SVIL: variants seen among roughly 807,000 people sequenced by gnomAD.
The protein encoded by SVIL is supervillin.
SVIL carries 101 observed loss-of-function variants against 240.4 expected under a neutral mutation model. The observed-to-expected ratio is 0.42, with a 90% confidence interval of 0.36 to 0.50. SVIL has a LOEUF of 0.50. SVIL is among the 20% of genes least tolerant of loss of function. SVIL has a pLI of 0.01. For synonymous variants in SVIL, 999 were observed against 1,100.0 expected (o/e 0.91, Z 1.82); for missense variants, 2,512 against 2,818.7 (o/e 0.89, Z 2.46).
intron 1 of SVIL, among the ~76,000 whole-genome samples, chr10:29,588,954 C>T (rs574925967): frequency 6.6e-6 from 1 of 151,920 alleles, no homozygotes; most frequent in South Asian, 2.1e-4. Context: ...CTGAAGTCCT[C>T]AAACCCAAAC....
intron 1 of SVIL, among the ~76,000 whole-genome samples, chr10:29,703,007 G>A (rs921843356): frequency 6.6e-6 from 1 of 152,060 alleles, no homozygotes; most frequent in Admixed American, 6.6e-5. Flanking sequence ...AAAAAAGAAT[G>A]CATCTTGGAT....
chr10:29,541,077 AAGAG>A (rs1952117018), intron 6 of SVIL, among the ~76,000 whole-genome samples: 1 of 152,222 alleles, frequency 6.6e-6, no homozygotes. Context: ...CATGAACAAA[AAGAG>A]AGATCACATC....
intron 6 of SVIL, among the ~76,000 whole-genome samples, chr10:29,548,566 G>A (rs965017807): frequency 6.6e-6 from 1 of 152,158 alleles, no homozygotes; most frequent in African/African-American, 2.4e-5. Flanking sequence ...CTTATCTTGA[G>A]TGGATCCTTT....
At chr10:29,521,915 T>C (rs964067048) in intron 16 of SVIL, among the ~76,000 whole-genome samples, 3 of 152,238 alleles carry the variant, frequency 2.0e-5, no homozygotes, top group African/African-American at 7.2e-5. Context: ...TTACAATCTG[T>C]AAAAGAAACA....
In SVIL at chr10:29,493,313, G is replaced by C; in HGVS notation, c.3920C>G (p.Thr1307Ser). The C allele has an allele frequency of 6.2e-7, 1 of 1,614,110 alleles. No individual in the cohort carries two copies. Among genetic ancestry groups the C allele is most frequent in the Middle Eastern group, 1.6e-4 (1 of 6,062 alleles). ...CACGCTGCGGTAAAATTTGGCAAAG[G>C]TTTCATCATCATCTGGCTTCATCAC... is the stretch of plus-strand genomic sequence containing the variant. The part of the protein sequence containing the change: ...KEVMKPDDDE[T>S]FAKFYRSVDY... The change falls in exon 21 of 38, where the codon ACC becomes AGC. Residue 1307 changes from threonine to serine, a missense_variant. By Grantham distance (58) the Thr-to-Ser change is moderately conservative (BLOSUM62 1). Around this residue, in one of 3 missense-constraint regions of SVIL, gnomAD observed 272 missense variants for 406.8 expected, o/e 0.67. Transcript: ENST00000355867.
At chr10:29,575,660 G>A (rs1161987528) in intron 1 of SVIL, among the ~76,000 whole-genome samples, 2 of 151,984 alleles carry the variant, frequency 1.3e-5, no homozygotes, top group Admixed American at 6.5e-5. Context: ...GAGTGGAAGT[G>A]AGCGGCTACC....
At chr10:29,577,027 C>T (rs7908695) in intron 1 of SVIL, among the ~76,000 whole-genome samples, 42,838 of 151,760 alleles carry the variant, frequency 0.28, 6,220 homozygotes, top group African/African-American at 0.34. Flanking sequence ...ATTATAGGCA[C>T]GCTCCACCAT....
chr10:29,519,222 G>A (rs1042258456), intron 16 of SVIL, among the ~76,000 whole-genome samples: 2 of 152,138 alleles, frequency 1.3e-5, no homozygotes, highest in East Asian at 1.9e-4. Context: ...TCCTCTCACC[G>A]TATTCTCCTG....
chr10:29,727,422 C>G (rs1287879578), intron 1 of SVIL, among the ~76,000 whole-genome samples: 1 of 151,784 alleles, frequency 6.6e-6, no homozygotes, highest in Non-Finnish European at 1.5e-5. Flanking sequence ...GACCTCCACA[C>G]CAGCTAATTA....
At chr10:29,662,891 A>T (rs139083624) in intron 2 of SVIL, among the ~76,000 whole-genome samples, 35 of 152,284 alleles carry the variant, frequency 2.3e-4, no homozygotes, top group African/African-American at 7.9e-4. Flanking sequence ...CGGGAGGATC[A>T]CTTGAGGCCA....
intron 1 of SVIL, among the ~76,000 whole-genome samples, chr10:29,580,395 G>T (rs1022640117): frequency 1.3e-5 from 2 of 152,092 alleles, no homozygotes; most frequent in Non-Finnish European, 2.9e-5. Context: ...TCCCTGGCCA[G>T]CCACAACAAA....
At chr10:29,633,714 G>C (rs1178559478) in intron 1 of SVIL, among the ~76,000 whole-genome samples, 1 of 151,504 alleles carries the variant, frequency 6.6e-6, no homozygotes, top group African/African-American at 2.4e-5. Context: ...CTATGTTCTA[G>C]AGTTCACTGC....
Position 29,648,520 on chromosome 10 carries a change from T to C in SVIL, c.-201+9449A>G, listed in dbSNP as rs189163606. ...AAAACAATTAGAAGACAGTGGAAAC[T>C]GACCTTGCCCGACCCTCATCATGAT... On this transcript the variant is annotated intron_variant, in intron 3 of 35. Coordinates refer to the SVIL transcript ENST00000375400. Among the ~76,000 whole-genome samples, 278 of 152,354 alleles carry C rather than the reference T, an allele frequency of 1.8e-3. 2 individuals are homozygous for C. Among genetic ancestry groups the C allele is most frequent in the African/African-American group, 6.4e-3 (267 of 41,588 alleles).
intron 17 of SVIL, among the ~76,000 whole-genome samples, chr10:29,505,196 G>T (rs1230974469): frequency 2.6e-5 from 4 of 151,998 alleles, no homozygotes; most frequent in Non-Finnish European, 5.9e-5. Flanking sequence ...TGTGGTGGCG[G>T]GCGCCTGCAA....
intron 29 of SVIL, among the ~76,000 whole-genome samples, chr10:29,478,388 T>C (rs1412727815): frequency 1.3e-5 from 2 of 152,194 alleles, no homozygotes; most frequent in Admixed American, 1.3e-4. Flanking sequence ...ACCTACAATG[T>C]GAACACAGGC....
At chr10:29,538,122 G>A (rs554023297) in intron 6 of SVIL, among the ~76,000 whole-genome samples, 15 of 152,162 alleles carry the variant, frequency 9.9e-5, no homozygotes, top group Non-Finnish European at 1.8e-4. Flanking sequence ...CGAATCTGCC[G>A]CCTTCACAGG....
intron 3 of SVIL, among the ~76,000 whole-genome samples, chr10:29,556,736 G>A (rs562698142): frequency 7.9e-5 from 12 of 152,272 alleles, no homozygotes; most frequent in East Asian, 3.9e-4. Context: ...CCCGCCATGC[G>A]GCCTTGGGAG....
rs148726890 is a variant in SVIL at position 29,674,102 on chromosome 10, G to A, written c.-301+12451C>T. Among the ~76,000 whole-genome samples the A allele has an allele frequency of 7.7e-4, 117 of 152,216 alleles. No homozygotes were observed. The South Asian group carries it at 0.01, about 13-fold the overall frequency. ...TGAGAGCATTTTGGAAGGCCAAGGC[G>A]GGAGGTTCACTTGAGCCCAGGAGTT... On this transcript the variant is annotated intron_variant, in intron 2 of 35. Coordinates refer to the SVIL transcript ENST00000375400.
chr10:29,465,674 A>G lies in SVIL; in HGVS notation c.6054T>C (p.Phe2018=), dbSNP rs149615507. Residue 2018 remains phenylalanine (F), a synonymous_variant, in exon 34 of 38, where the codon TTT becomes TTC. Coordinates refer to ENST00000355867, the MANE Select transcript of SVIL (RefSeq NM_021738.3). ...CAGAGGGGGCTCGGGCAGGGTACAC[A>G]AACTCTGTGGCTGCAAAATCCCCAG... The part of the protein sequence containing the change: ...SSSGDFAATE[F]VYPARAPSVV... The G allele has an allele frequency of 9.7e-4, 1,564 of 1,613,378 alleles. 13 individuals carry two copies. In the African/African-American group the frequency reaches 0.014, roughly 14 times the overall value.
Sources: allele counts gnomAD v4.1 joint callset (sites outside exome capture counted in the v4.1 genomes callset), GRCh38; gene constraint gnomAD v4.1.1; regional missense constraint gnomAD v4.1.1; transcripts MANE v1.5; gene names NCBI Gene and HGNC (gene_info 2026-07-23, HGNC 2026-07-21).